The following TTF1 variants were observed in gnomAD, a reference collection of about 807,000 sequenced individuals.
The protein encoded by TTF1 is transcription termination factor, RNA polymerase I.
Under a neutral mutation model 80.2 loss-of-function variants are expected in TTF1, and 64 were observed. That is an observed-to-expected ratio of 0.80 (90% CI 0.65 to 0.98). The LOEUF is 0.98. TTF1 is among the 50% of genes least tolerant of loss of function. The probability of loss-of-function intolerance (pLI) is 0.00; values close to 1 mark genes in which losing one functional copy is unlikely to be tolerated. For missense variants in TTF1, 1,023 were observed against 1,086.2 expected, an observed-to-expected ratio of 0.94 and a Z score of 0.82; for synonymous variants, 372 against 382.7, an observed-to-expected ratio of 0.97 and a Z score of 0.33.
intron 9 of TTF1, among the ~76,000 whole-genome samples, chr9:132,385,577 C>T (rs1449836599): frequency 1.3e-5 from 2 of 152,218 alleles, no homozygotes; most frequent in Non-Finnish European, 2.9e-5. Flanking sequence ...GCATTCACTA[C>T]TCTCTGTCCG....
intron 9 of TTF1, among the ~76,000 whole-genome samples, chr9:132,385,465 G>A (rs781180934): frequency 1.3e-5 from 2 of 152,136 alleles, no homozygotes; most frequent in Non-Finnish European, 2.9e-5. Flanking sequence ...GCCTGCACAC[G>A]CACCCAGCCC....
chr9:132,378,516 TG>T (rs1414284186), intron 10 of TTF1, among the ~76,000 whole-genome samples: 1 of 138,432 alleles, frequency 7.2e-6, no homozygotes, highest in Non-Finnish European at 1.5e-5. Context: ...GTGCATGTGG[TG>T]GGTGTGAGTG....
At chr9:132,398,023 G>T in intron 4 of TTF1, 118 bp downstream of exon 4, 1 of 745,924 alleles carries the variant, frequency 1.3e-6, no homozygotes, top group Non-Finnish European at 2.0e-6. Context: ...CATCACAGCA[G>T]TTAATGTGCG....
At position 132,384,451 on chromosome 9, in the gene TTF1, G is replaced by C. The variant is rs1181579830; in HGVS notation, c.2378+2105C>G. On this transcript the variant is annotated intron_variant, in intron 9 of 10. Transcript: ENST00000334270. The surrounding 1 kb of genome is among the most constrained non-coding windows in gnomAD (Gnocchi z 4.1). The stretch of plus-strand genomic sequence containing the variant: ...GCAATCAAAGCTGGTGCTTTGAAAA[G>C]ACAATCTCTGGTAACTCCTATTCAA... Among the ~76,000 whole-genome samples, 1 of 152,148 alleles carries C rather than the reference G, an allele frequency of 6.6e-6. No individual in the cohort carries two copies. Among genetic ancestry groups the C allele is most frequent in the Non-Finnish European group, 1.5e-5 (1 of 68,032 alleles).
At chr9:132,382,761 C>CAAA (rs55904518) in intron 9 of TTF1, among the ~76,000 whole-genome samples, 4 of 136,930 alleles carry the variant, frequency 2.9e-5, no homozygotes, top group Admixed American at 7.3e-5. Flanking sequence ...ACTAAAAATA[C>CAAA]AAAAAAAAAA....
At chr9:132,399,990 C>T (rs1257243856) in intron 3 of TTF1, 45 bp downstream of exon 3, 1 of 1,597,700 alleles carries the variant, frequency 6.3e-7, no homozygotes, top group Non-Finnish European at 8.6e-7. Flanking sequence ...GGTGCTAGCT[C>T]TGCATACAGG....
Position 132,399,493 on chromosome 9 carries a change from C to T in TTF1, c.1591+542G>A, listed in dbSNP as rs971675159. On this transcript the variant is annotated intron_variant, in intron 3 of 10. Transcript: ENST00000334270. ...TTTGTAGTATACAGCCTTAAATTTG[C>T]AGTTTATTCTTAAACCCAATAAGCT... Among the ~76,000 whole-genome samples, 18 of 152,082 alleles carry T rather than the reference C, an allele frequency of 1.2e-4. 1 individual carries two copies. The East Asian group carries it at 3.5e-3, about 29-fold the overall frequency.
At chr9:132,380,768 T>C (rs1274646066) in intron 9 of TTF1, among the ~76,000 whole-genome samples, 1 of 152,244 alleles carries the variant, frequency 6.6e-6, no homozygotes, top group Non-Finnish European at 1.5e-5. Flanking sequence ...TATTAAAACT[T>C]TGAGAGTACG....
chr9:132,390,779 A>G lies in TTF1; in HGVS notation c.2040T>C (p.Ala680=). ...SKSETRKLIK[A]VEEVILKKMS... Reference sequence around the variant, plus strand: ...TCTTCTTCAGAATCACTTCTTCGACAGCCTTGATTAGTTTCCGGGTTTCAG... The same window carrying G: ...TCTTCTTCAGAATCACTTCTTCGACGGCCTTGATTAGTTTCCGGGTTTCAG... Residue 680 remains alanine, a synonymous_variant, in exon 7 of 11, where the codon GCT becomes GCC. Transcript: ENST00000334270. 2 of 1,614,212 alleles carry G rather than the reference A, an allele frequency of 1.2e-6. No individual in the cohort carries two copies. Among genetic ancestry groups the G allele is most frequent in the South Asian group, 2.2e-5 (2 of 91,088 alleles).
intron 3 of TTF1, among the ~76,000 whole-genome samples, chr9:132,399,414 C>G (rs772952302): frequency 6.6e-6 from 1 of 151,792 alleles, no homozygotes; most frequent in Non-Finnish European, 1.5e-5. Context: ...TTACTTTTTT[C>G]AATGACCAGT....
chr9:132,396,239 C>G (rs553913200), intron 5 of TTF1, among the ~76,000 whole-genome samples, 194 bp downstream of exon 5: 2 of 152,272 alleles, frequency 1.3e-5, no homozygotes, highest in South Asian at 2.1e-4. Flanking sequence ...CAGAAGGTCA[C>G]CACAGCTTCA....
intron 5 of TTF1, among the ~76,000 whole-genome samples, chr9:132,394,327 T>C (rs1825973238): frequency 6.6e-6 from 1 of 151,980 alleles, no homozygotes; most frequent in African/African-American, 2.4e-5. Flanking sequence ...TTTCCCAGGC[T>C]GGAGTGCAGT....
chr9:132,383,497 G>A (rs1199397490), intron 9 of TTF1, among the ~76,000 whole-genome samples: 1 of 152,218 alleles, frequency 6.6e-6, no homozygotes, highest in Non-Finnish European at 1.5e-5. Flanking sequence ...TATTCCCTTG[G>A]AGGAGGGAGA....
rs1203655330 is a variant in TTF1, at chr9:132,378,629, T to TGTGAGTGCATG, written c.2464+429_2464+430insCATGCACTCAC. On this transcript the variant is annotated intron_variant, in intron 10 of 10. Coordinates refer to ENST00000334270, the MANE Select transcript of TTF1 (RefSeq NM_007344.4). ...GTGCATGTGGTGTGAGTGCATGTGG[T>TGTGAGTGCATG]TGGTGTGAGTGCATGTGGTGTGAGT... Among the ~76,000 whole-genome samples the TGTGAGTGCATG allele has an allele frequency of 6.3e-4, 77 of 122,082 alleles. 2 individuals carry two copies. Among genetic ancestry groups the TGTGAGTGCATG allele is most frequent in the African/African-American group, 2.6e-3 (72 of 28,046 alleles). 80.1% of individuals were successfully genotyped at this position (122,082 alleles called of 152,430 possible). A position where few individuals can be genotyped will look rare whatever the true frequency, so the allele number is the denominator to read the frequency against.
chr9:132,386,717 C>T (rs912763582), intron 8 of TTF1, 96 bp from the exon 9 acceptor site: 28 of 945,908 alleles, frequency 3.0e-5, no homozygotes, highest in East Asian at 1.0e-4. Flanking sequence ...AAGGTATGTG[C>T]GCTTTCGCCG....
chr9:132,405,089 G>C (rs575664734), intron 1 of TTF1, among the ~76,000 whole-genome samples: 2 of 152,142 alleles, frequency 1.3e-5, no homozygotes, highest in East Asian at 3.9e-4. Flanking sequence ...GAGTTTCACC[G>C]TGTTAGCCAG....
At chr9:132,399,373 C>T (rs1237936398) in intron 3 of TTF1, among the ~76,000 whole-genome samples, 1 of 151,892 alleles carries the variant, frequency 6.6e-6, no homozygotes, top group Non-Finnish European at 1.5e-5. Context: ...TCTTCAATCC[C>T]ATTAATTCTG....
In TTF1 at chr9:132,401,743, C is replaced by A. The variant is rs3739915; in HGVS notation, c.1079G>T (p.Gly360Val). ...CCCAACCTCACTGCCCACCTGTGATCCTTCAGGGTATGCACTCTCGAGGCT... is the reference window on the plus strand; with the variant it reads ...CCCAACCTCACTGCCCACCTGTGATACTTCAGGGTATGCACTCTCGAGGCT... ...PESLESAYPE[G>V]SQVGSEVGTV... Residue 360 changes from glycine (G) to valine (V), a missense_variant, in exon 2 of 11, where the codon GGA becomes GTA. Coordinates refer to ENST00000334270, the MANE Select transcript of TTF1 (RefSeq NM_007344.4). 0.056 allele frequency: 90,985 copies of A among 1,614,190 alleles called. 3,408 individuals carry two copies. Among genetic ancestry groups the A allele is most frequent in the East Asian group, 0.22 (9,920 of 44,874 alleles).
At chr9:132,380,524 C>T (rs1300033791) in intron 9 of TTF1, among the ~76,000 whole-genome samples, 1 of 152,212 alleles carries the variant, frequency 6.6e-6, no homozygotes, top group African/African-American at 2.4e-5. Flanking sequence ...TCTGAAACCC[C>T]AGCTCTACGG....
Sources: allele counts gnomAD v4.1 joint callset (sites outside exome capture counted in the v4.1 genomes callset), GRCh38; gene constraint gnomAD v4.1.1; non-coding constraint Gnocchi (gnomAD v3.1); transcripts MANE v1.5; gene names NCBI Gene and HGNC (gene_info 2026-07-23, HGNC 2026-07-21).